The following CCDC7 variants were observed in gnomAD, a reference collection of about 807,000 sequenced individuals.
CCDC7 encodes the protein coiled-coil domain-containing protein 7.
CCDC7 carries 183 observed loss-of-function variants against 196.9 expected under a neutral mutation model. The ratio of observed to expected loss-of-function variants is 0.93; its 90% CI spans 0.82 to 1.05. CCDC7 has a LOEUF of 1.05. CCDC7 is among the 50% of genes least tolerant of loss of function. CCDC7 has a pLI of 0.00. For synonymous variants in CCDC7, 525 were observed against 484.6 expected (o/e 1.08, Z -1.10); for missense variants, 1,540 against 1,482.2 (o/e 1.04, Z -0.64).
In CCDC7 at chr10:32,701,082, C is replaced by G. The variant is rs2078632639; in HGVS notation, c.2458+6090C>G. On this transcript the variant is annotated intron_variant, in intron 24 of 41. Transcript: ENST00000639629. ...TGCCTGATTGCCCTGGTCAGAACTT[C>G]CAACACTATGTTGGATAGGAGTGGT... is the stretch of plus-strand genomic sequence containing the variant. Among the ~76,000 whole-genome samples, 2 of 152,168 alleles carry G rather than the reference C, an allele frequency of 1.3e-5. 1 individual carries two copies. Among genetic ancestry groups the G allele is most frequent in the South Asian group, 4.1e-4 (2 of 4,826 alleles).
chr10:32,453,915 G>A (rs2133403027), intron 2 of CCDC7, among the ~76,000 whole-genome samples: 1 of 152,182 alleles, frequency 6.6e-6, no homozygotes, highest in East Asian at 1.9e-4. Context: ...TAGAAGTTTC[G>A]TTCGTAACTG....
intron 9 of CCDC7, among the ~76,000 whole-genome samples, chr10:32,516,763 C>G (rs2047092904): frequency 6.6e-6 from 1 of 152,144 alleles, no homozygotes; most frequent in Non-Finnish European, 1.5e-5. Flanking sequence ...GCCGGTTCCT[C>G]AAAATGTTAA....
At chr10:32,625,686 G>C (rs58456781) in intron 18 of CCDC7, among the ~76,000 whole-genome samples, 6 of 151,780 alleles carry the variant, frequency 4.0e-5, no homozygotes, top group Non-Finnish European at 7.4e-5. Flanking sequence ...TTTATTCCTC[G>C]TGAATAACTG....
chr10:32,516,044 G>C (rs1287250115), intron 9 of CCDC7, among the ~76,000 whole-genome samples: 2 of 151,648 alleles, frequency 1.3e-5, no homozygotes, highest in African/African-American at 4.8e-5. Context: ...AAACTCTTGT[G>C]CTGCAAATGA....
At chr10:32,726,903 A>G in intron 26 of CCDC7, 71 bp downstream of exon 27, 1 of 908,274 alleles carries the variant, frequency 1.1e-6, no homozygotes, top group Non-Finnish European at 1.6e-6. Context: ...TTTGCCTTTG[A>G]TTCCTGAATG....
At chr10:32,505,692 T>A (rs2044838400) in intron 9 of CCDC7, among the ~76,000 whole-genome samples, 1 of 152,086 alleles carries the variant, frequency 6.6e-6, no homozygotes, top group African/African-American at 2.4e-5. Flanking sequence ...ATGGTCGCTG[T>A]CTCTTCGGAG....
upstream of CCDC7, among the ~76,000 whole-genome samples, chr10:32,445,672 GTC>G (rs1403368004): frequency 2.0e-5 from 3 of 152,210 alleles, no homozygotes; most frequent in African/African-American, 7.2e-5. Flanking sequence ...CCACTTAAGT[GTC>G]ACAACTCTGC....
chr10:32,584,467 ATCTCGGTGGGC>A (rs2059036369), intron 18 of CCDC7, among the ~76,000 whole-genome samples, 163 bp downstream of exon 19: 4 of 152,064 alleles, frequency 2.6e-5, no homozygotes, highest in African/African-American at 9.7e-5. Flanking sequence ...TATAAAAATT[ATCTCGGTGGGC>A]CAGGCGTGGT....
Position 32,819,970 on chromosome 10 carries a change from A to G in CCDC7, c.3182-4548A>G, listed in dbSNP as rs575579821. ...AGTGTTGGAAGTTCTGACCAGGGCA[A>G]TCAGGCAGGAGAAGGAAATAAAGGG... On this transcript the variant is annotated intron_variant, in intron 31 of 41. Coordinates refer to ENST00000639629, the Ensembl canonical transcript of CCDC7. 2.6e-5 allele frequency among the ~76,000 whole-genome samples: 4 copies of G among 152,330 alleles called. No homozygotes were observed. In the South Asian group the frequency reaches 6.2e-4, roughly 24 times the overall value.
chr10:32,629,377 C>T (rs990753228), intron 18 of CCDC7, among the ~76,000 whole-genome samples: 7 of 151,996 alleles, frequency 4.6e-5, no homozygotes, highest in African/African-American at 1.7e-4. Flanking sequence ...TAAAAGTCAC[C>T]TTTTTGTTCT....
intron 41 of CCDC7, among the ~76,000 whole-genome samples, chr10:32,860,391 C>G (rs1361566013): frequency 6.6e-6 from 1 of 151,952 alleles, no homozygotes; most frequent in Admixed American, 6.6e-5. Flanking sequence ...TCTTAATAAA[C>G]TAGGCATTGA....
chr10:32,822,047 C>CT (rs2090338907), intron 31 of CCDC7, among the ~76,000 whole-genome samples: 1 of 151,200 alleles, frequency 6.6e-6, no homozygotes, highest in Non-Finnish European at 1.5e-5. Context: ...AGCAAAACTG[C>CT]TTTTCAGAAA....
At chr10:32,526,653 C>T (rs1261909959) in intron 11 of CCDC7, among the ~76,000 whole-genome samples, 1 of 152,112 alleles carries the variant, frequency 6.6e-6, no homozygotes, top group African/African-American at 2.4e-5. Context: ...GGGTCCTTCA[C>T]TTCAAGGCAG....
chr10:32,561,287 G>C (rs2055558648), intron 13 of CCDC7, among the ~76,000 whole-genome samples: 1 of 152,058 alleles, frequency 6.6e-6, no homozygotes, highest in Admixed American at 6.6e-5. Flanking sequence ...ACTCAGCTCT[G>C]CACCAAGCAG....
At chr10:32,659,900 G>A (rs987647791) in intron 20 of CCDC7, among the ~76,000 whole-genome samples, 1 of 152,154 alleles carries the variant, frequency 6.6e-6, no homozygotes, top group Non-Finnish European at 1.5e-5. Flanking sequence ...TTCAACCATT[G>A]TGGAAGACAG....
chr10:32,739,235 G>C lies in CCDC7; in HGVS notation c.2905+9778G>C, dbSNP rs575086177. Among the ~76,000 whole-genome samples, 35 of 150,794 alleles carry C rather than the reference G, an allele frequency of 2.3e-4. No homozygotes were observed. In the South Asian group the frequency reaches 7.4e-3, roughly 32 times the overall value. ...TTATTTCAAATATTTCTCTTTTCTT[G>C]TTTGCTTTTTCTCCTTCTGTTACTC... is the stretch of plus-strand genomic sequence containing the variant. On this transcript the variant is annotated intron_variant, in intron 28 of 41. Transcript: ENST00000639629.
At chr10:32,847,916 G>A in exon 38 of CCDC7, 1 of 1,568,174 alleles carries the variant, frequency 6.4e-7, no homozygotes, top group Non-Finnish European at 8.7e-7. Context: ...GACTCACTAT[G>A]GTAAGAATAA....
intron 3 of CCDC7, among the ~76,000 whole-genome samples, chr10:32,458,408 A>G (rs2034826351): frequency 6.6e-6 from 1 of 150,388 alleles, no homozygotes; most frequent in African/African-American, 2.4e-5. Context: ...TGCCAGTACC[A>G]TGCTGTTGTG....
At chr10:32,577,901 C>G (rs1013827685) in intron 16 of CCDC7, among the ~76,000 whole-genome samples, 2 of 152,182 alleles carry the variant, frequency 1.3e-5, no homozygotes, top group Admixed American at 6.5e-5. Context: ...CCCATTAGGG[C>G]TCAGTAATAG....
Sources: gnomAD v4.1 joint callset for allele counts (sites outside exome capture counted in the v4.1 genomes callset) on GRCh38, gnomAD v4.1.1 for gene constraint, MANE v1.5 for transcripts, NCBI Gene and HGNC (gene_info 2026-07-23, HGNC 2026-07-21) for gene names.